STRA8: variants seen among roughly 807,000 people sequenced by gnomAD.
STRA8 encodes the protein stimulated by retinoic acid 8.
In STRA8, 18 loss-of-function variants were observed where a neutral mutation model predicts 37.1. That is an observed-to-expected ratio of 0.48 (90% CI 0.34 to 0.72). The LOEUF (loss-of-function observed/expected upper bound fraction) is 0.72, where lower values mean the gene tolerates loss of function less well. Among genes scored for constraint, STRA8 ranks in the 30% least tolerant of loss-of-function variants. STRA8 has a pLI of 0.01. For missense variants in STRA8, 357 were observed against 410.4 expected (o/e 0.87, Z 1.13); for synonymous variants, 168 against 162.9 (o/e 1.03, Z -0.24).
intron 1 of STRA8, among the ~76,000 whole-genome samples, chr7:135,234,168 G>A (rs1020823598): frequency 3.3e-5 from 5 of 151,964 alleles, no homozygotes; most frequent in African/African-American, 9.7e-5. Context: ...GTGCAATGGC[G>A]AGATCTCAGC....
intron 1 of STRA8, among the ~76,000 whole-genome samples, chr7:135,234,301 G>T (rs1832338122): frequency 6.6e-6 from 1 of 152,134 alleles, no homozygotes; most frequent in African/African-American, 2.4e-5. Flanking sequence ...AGAGACAGGG[G>T]TTTCACCGTG....
chr7:135,251,584 G>T (rs1057183116), intron 6 of STRA8, among the ~76,000 whole-genome samples: 5 of 152,152 alleles, frequency 3.3e-5, no homozygotes, highest in African/African-American at 1.2e-4. Context: ...TCCAGGGTTG[G>T]CAGTTTGTCC....
At chr7:135,253,335 C>T (rs903324355) in intron 7 of STRA8, among the ~76,000 whole-genome samples, 2 of 152,156 alleles carry the variant, frequency 1.3e-5, no homozygotes, top group African/African-American at 2.4e-5. Flanking sequence ...ACACCATCAC[C>T]CTGGGGATTA....
At chr7:135,234,737 C>T (rs1415987074) in intron 1 of STRA8, among the ~76,000 whole-genome samples, 2 of 152,186 alleles carry the variant, frequency 1.3e-5, no homozygotes. Flanking sequence ...TGTCATGTGA[C>T]AGTGTTAATC....
chr7:135,245,198 T>C (rs1286339435), intron 4 of STRA8, 90 bp from the exon 5 acceptor site: 1 of 764,562 alleles, frequency 1.3e-6, no homozygotes, highest in Non-Finnish European at 2.4e-6. Context: ...TACATATACA[T>C]GTATACTTGC....
chr7:135,241,632 T>G (rs907595839), intron 2 of STRA8, among the ~76,000 whole-genome samples: 1 of 152,234 alleles, frequency 6.6e-6, no homozygotes. Context: ...TCAGCTGCCC[T>G]GCTCCATGGA....
chr7:135,254,569 G>A (rs1832679264), intron 7 of STRA8, among the ~76,000 whole-genome samples: 1 of 152,206 alleles, frequency 6.6e-6, no homozygotes, highest in South Asian at 2.1e-4. Flanking sequence ...AGCTTTTGAA[G>A]GATTTTCATG....
intron 7 of STRA8, among the ~76,000 whole-genome samples, chr7:135,253,721 C>A (rs1832668546): frequency 6.6e-6 from 1 of 152,166 alleles, no homozygotes; most frequent in Admixed American, 6.5e-5. Context: ...ACTGAAATTC[C>A]CTTGCTGCTT....
intron 7 of STRA8, among the ~76,000 whole-genome samples, chr7:135,254,221 C>T (rs1832675194): frequency 6.6e-6 from 1 of 152,176 alleles, no homozygotes. Context: ...CCAGCCTGTC[C>T]TTGCCAGGCA....
At chr7:135,257,615 C>T (rs532235655) in intron 8 of STRA8, among the ~76,000 whole-genome samples, 1 of 152,102 alleles carries the variant, frequency 6.6e-6, no homozygotes, top group African/African-American at 2.4e-5. Flanking sequence ...TTAGTAGAGA[C>T]AGCATTTCGC....
intron 2 of STRA8, among the ~76,000 whole-genome samples, chr7:135,242,298 A>G (rs1194544396): frequency 6.6e-6 from 1 of 152,144 alleles, no homozygotes; most frequent in African/African-American, 2.4e-5. Flanking sequence ...ACAGCATTTG[A>G]TAAGTTTTTA....
At chr7:135,255,997 G>T (rs954217004) in intron 8 of STRA8, among the ~76,000 whole-genome samples, 4 of 152,142 alleles carry the variant, frequency 2.6e-5, no homozygotes. Flanking sequence ...CTTCCAAATT[G>T]TTCCACTTAC....
chr7:135,251,012 C>G (rs1465718359), intron 6 of STRA8, among the ~76,000 whole-genome samples: 1 of 152,114 alleles, frequency 6.6e-6, no homozygotes, highest in East Asian at 1.9e-4. Flanking sequence ...AGAATTAGAT[C>G]AATGTGTCAA....
intron 1 of STRA8, among the ~76,000 whole-genome samples, chr7:135,239,356 A>G (rs906146020): frequency 1.3e-5 from 2 of 152,166 alleles, no homozygotes; most frequent in Admixed American, 6.5e-5. Flanking sequence ...GGGCATGTGT[A>G]TTTTCAACAG....
At chr7:135,237,541 A>G (rs913231406) in intron 1 of STRA8, among the ~76,000 whole-genome samples, 5 of 152,190 alleles carry the variant, frequency 3.3e-5, no homozygotes, top group Non-Finnish European at 7.3e-5. Context: ...CAGGCGAGCC[A>G]GCCCTTCACA....
At chr7:135,244,651 T>C (rs1399978119) in intron 4 of STRA8, among the ~76,000 whole-genome samples, 1 of 152,240 alleles carries the variant, frequency 6.6e-6, no homozygotes, top group African/African-American at 2.4e-5. Flanking sequence ...ATATTATTCA[T>C]TTTTATATTC....
upstream of STRA8, chr7:135,232,122 G>A: frequency 7.9e-7 from 1 of 1,266,028 alleles, no homozygotes; most frequent in South Asian, 1.2e-5. Context: ...CAGTGGTTGG[G>A]GCGGGAGGTG....
intron 1 of STRA8, among the ~76,000 whole-genome samples, chr7:135,234,186 A>G (rs1053768636): frequency 1.3e-5 from 2 of 151,868 alleles, no homozygotes; most frequent in Non-Finnish European, 2.9e-5. Flanking sequence ...AGCTCACTGC[A>G]ACCTCCGCCT....
chr7:135,237,025 C>T (rs1310359540), intron 1 of STRA8, among the ~76,000 whole-genome samples: 1 of 152,086 alleles, frequency 6.6e-6, no homozygotes, highest in Non-Finnish European at 1.5e-5. Context: ...CCAGTGTGGC[C>T]TGGGACTGGG....
Sources: gnomAD v4.1 joint callset for allele counts (sites outside exome capture counted in the v4.1 genomes callset) on GRCh38, gnomAD v4.1.1 for gene constraint, MANE v1.5 for transcripts, NCBI Gene and HGNC (gene_info 2026-07-23, HGNC 2026-07-21) for gene names.